Variants in TUBGCP3 observed in about 807,000 individuals in gnomAD.
TUBGCP3 encodes gamma-tubulin complex component 3.
Under a neutral mutation model 123.1 loss-of-function variants are expected in TUBGCP3, and 50 were observed. The observed-to-expected ratio is 0.41, with a 90% CI of 0.32 to 0.51. The LOEUF (loss-of-function observed/expected upper bound fraction) is 0.51. Among genes scored for constraint, TUBGCP3 ranks in the 20% least tolerant of loss-of-function variants. The probability of loss-of-function intolerance (pLI) is 0.36; values close to 1 mark genes in which losing one functional copy is unlikely to be tolerated. For missense variants in TUBGCP3, 882 were observed against 1,127.0 expected (o/e 0.78, Z 3.11); for synonymous variants, 405 against 413.9 (o/e 0.98, Z 0.26).
Position 112,545,565 on chromosome 13 carries a change from A to G in TUBGCP3, c.1335+134T>C, listed in dbSNP as rs1426936372. The stretch of plus-strand genomic sequence containing the variant: ...GCTGTCGAGGCACTGTGTAAAATGT[A>G]TATGGTATTCAATGGAAGTGCAGTT... On this transcript the variant is annotated intron_variant, in intron 11 of 21. Transcript: ENST00000261965. This position sits in a 1 kb window ranked among gnomAD's most constrained non-coding sequence, Gnocchi z 4.1. The G allele has an allele frequency of 2.0e-6, 2 of 982,664 alleles. No individual in the cohort carries two copies. The highest frequency in any genetic ancestry group is 3.1e-6 in the Non-Finnish European group (2 of 647,386). The allele number at this position is 982,664 out of a possible 1,614,324, so 60.9% of individuals were successfully genotyped here.
chr13:112,587,800 G>T (rs1198689743), intron 1 of TUBGCP3, 105 bp downstream of exon 1: 3 of 1,045,576 alleles, frequency 2.9e-6, no homozygotes, highest in Non-Finnish European at 4.0e-6. Context: ...CCTCTGCCCG[G>T]CCCTGCATCC....
At chr13:112,563,681 G>A (rs946559099) in intron 3 of TUBGCP3, among the ~76,000 whole-genome samples, 4 of 147,020 alleles carry the variant, frequency 2.7e-5, no homozygotes, top group African/African-American at 7.7e-5. Context: ...GGCTAACACC[G>A]TGAAACCCCA....
chr13:112,542,365 CTG>C (rs1397667188), intron 11 of TUBGCP3, among the ~76,000 whole-genome samples: 1 of 152,140 alleles, frequency 6.6e-6, no homozygotes, highest in Non-Finnish European at 1.5e-5. Context: ...TATGGAATAA[CTG>C]AACATAAATG....
At chr13:112,553,760 G>GCC (rs1199763251) in intron 8 of TUBGCP3, among the ~76,000 whole-genome samples, 8 of 152,336 alleles carry the variant, frequency 5.3e-5, no homozygotes, top group African/African-American at 1.9e-4. Context: ...GCTGGGCAGG[G>GCC]CCCCCTTCGA....
chr13:112,573,744 T>C (rs1177868006), intron 1 of TUBGCP3, among the ~76,000 whole-genome samples: 1 of 152,246 alleles, frequency 6.6e-6, no homozygotes, highest in African/African-American at 2.4e-5. Flanking sequence ...ATAGCCTGCC[T>C]GTCTGCCCAA....
At chr13:112,542,813 A>C (rs1321027256) in intron 11 of TUBGCP3, among the ~76,000 whole-genome samples, 2 of 152,190 alleles carry the variant, frequency 1.3e-5, no homozygotes, top group Admixed American at 1.3e-4. Flanking sequence ...TAAAAAATTA[A>C]AAATATAAAA....
Position 112,508,428 on chromosome 13 carries a change from G to A in TUBGCP3, c.2087-3714C>T, listed in dbSNP as rs1881446872. Among the ~76,000 whole-genome samples the A allele has an allele frequency of 6.6e-6, 1 of 152,098 alleles. No homozygotes were observed. The highest frequency in any genetic ancestry group is 2.1e-4 in the South Asian group (1 of 4,822). On this transcript the variant is annotated intron_variant, in intron 17 of 21. Transcript: ENST00000261965. The surrounding 1 kb of genome is among the most constrained non-coding windows in gnomAD (Gnocchi z 4.2). ...TTTTCAGATGCCATATGGCAGCCCA[G>A]AAGGGGCCTGTTAGTTGAAAAGGTA...
intron 11 of TUBGCP3, among the ~76,000 whole-genome samples, chr13:112,528,362 C>T (rs1439338182): frequency 2.0e-5 from 3 of 152,120 alleles, no homozygotes; most frequent in Non-Finnish European, 2.9e-5. Context: ...TGTAGACTGA[C>T]GCTCCCACGG....
At chr13:112,532,070 T>TA (rs1056969078) in intron 11 of TUBGCP3, among the ~76,000 whole-genome samples, 1 of 152,108 alleles carries the variant, frequency 6.6e-6, no homozygotes, top group African/African-American at 2.4e-5. Flanking sequence ...ATACAGACCA[T>TA]AAAAAATTCC....
At chr13:112,547,471 C>T in intron 10 of TUBGCP3, 149 bp downstream of exon 10, 1 of 1,291,416 alleles carries the variant, frequency 7.7e-7, no homozygotes, top group Non-Finnish European at 9.9e-7. Context: ...GCGCACCCTA[C>T]AAACGAGTTC....
intron 11 of TUBGCP3, among the ~76,000 whole-genome samples, chr13:112,537,542 T>A (rs1335581264): frequency 6.6e-6 from 1 of 152,232 alleles, no homozygotes; most frequent in Non-Finnish European, 1.5e-5. Flanking sequence ...TGAATTCTGT[T>A]TTCCAGTATT....
At chr13:112,498,673 G>A in intron 20 of TUBGCP3, 4 of 1,239,130 alleles carry the variant, frequency 3.2e-6, no homozygotes, top group Non-Finnish European at 3.3e-6. Context: ...GCACACGTTT[G>A]CAAAATGCAG....
At chr13:112,561,094 G>A (rs1017912130) in intron 3 of TUBGCP3, among the ~76,000 whole-genome samples, 1 of 152,254 alleles carries the variant, frequency 6.6e-6, no homozygotes, top group African/African-American at 2.4e-5. Context: ...CAGGAAGCCT[G>A]CGAAGGACGT....
chr13:112,538,222 G>A (rs1341758151), intron 11 of TUBGCP3, among the ~76,000 whole-genome samples: 1 of 152,192 alleles, frequency 6.6e-6, no homozygotes, highest in East Asian at 1.9e-4. Flanking sequence ...GCATGACACT[G>A]ACAGGAAATG....
intron 11 of TUBGCP3, among the ~76,000 whole-genome samples, chr13:112,528,305 G>T (rs1387450712): frequency 1.3e-5 from 2 of 152,178 alleles, no homozygotes; most frequent in African/African-American, 4.8e-5. Flanking sequence ...AATTAAAGTA[G>T]CTTTTAGTTT....
chr13:112,531,428 C>T (rs1052367354), intron 11 of TUBGCP3, among the ~76,000 whole-genome samples: 2 of 152,296 alleles, frequency 1.3e-5, no homozygotes, highest in East Asian at 1.9e-4. Context: ...CAGAAATAAG[C>T]CCCCGTTGAG....
chr13:112,545,620 T>C lies in TUBGCP3; in HGVS notation c.1335+79A>G, dbSNP rs566962475. On this transcript the variant is annotated intron_variant, in intron 11 of 21. Coordinates refer to ENST00000261965, the MANE Select transcript of TUBGCP3 (RefSeq NM_006322.6). This position sits in a 1 kb window ranked among gnomAD's most constrained non-coding sequence, Gnocchi z 4.1. ...TCCTGTTAGGAGAACATGGTAATCA[T>C]GAGGGGAAAAATGAAACAGCATAAC... 1,834 of 1,528,046 alleles carry C rather than the reference T, an allele frequency of 1.2e-3. 19 individuals carry two copies. Among genetic ancestry groups the C allele is most frequent in the Non-Finnish European group, 1.8e-4 (202 of 1,109,110 alleles). The allele number at this position is 1,528,046 out of a possible 1,614,324, so 94.7% of individuals were successfully genotyped here. A position where few individuals can be genotyped will look rare whatever the true frequency, so the allele number is the denominator to read the frequency against.
rs2139057635 is a variant in TUBGCP3 at position 112,519,118 on chromosome 13, G to C, written c.1882-75C>G. 1.6e-6 allele frequency: 2 copies of C among 1,259,144 alleles called. No individual in the cohort carries two copies. The highest frequency in any genetic ancestry group is 2.3e-6 in the Non-Finnish European group (2 of 861,032). The allele number at this position is 1,259,144 out of a possible 1,614,324, so 78.0% of individuals were successfully genotyped here. ...AAGAACTTGTTAACGCAAAGAAAAA[G>C]CAGTAAAATAATGCCCAATTGTTAA... On this transcript the variant is annotated intron_variant, in intron 15 of 21. Coordinates refer to ENST00000261965, the MANE Select transcript of TUBGCP3 (RefSeq NM_006322.6). The surrounding 1 kb of genome is among the most constrained non-coding windows in gnomAD (Gnocchi z 6.2).
intron 11 of TUBGCP3, among the ~76,000 whole-genome samples, chr13:112,539,985 T>C (rs1878379141): frequency 7.7e-6 from 1 of 129,924 alleles, no homozygotes. Context: ...AGCCTTCAGG[T>C]GGTCTTGGGA....
Sources: gnomAD v4.1 joint callset for allele counts (sites outside exome capture counted in the v4.1 genomes callset) on GRCh38, gnomAD v4.1.1 for gene constraint, Gnocchi (gnomAD v3.1) non-coding constraint, MANE v1.5 for transcripts, NCBI Gene and HGNC (gene_info 2026-07-23, HGNC 2026-07-21) for gene names.